Variants in HSPBAP1 observed in about 807,000 individuals in gnomAD.
The protein encoded by HSPBAP1 is HSPB1 associated protein 1.
Under a neutral mutation model 45.2 loss-of-function variants are expected in HSPBAP1, and 27 were observed. The ratio of observed to expected loss-of-function variants is 0.60; its 90% CI spans 0.44 to 0.82. The LOEUF is 0.82. HSPBAP1 is among the 40% of genes least tolerant of loss of function. The probability of loss-of-function intolerance (pLI) is 0.00; values close to 1 mark genes in which losing one functional copy is unlikely to be tolerated. For synonymous variants in HSPBAP1, 204 were observed against 202.7 expected (o/e 1.01, Z -0.06); for missense variants, 510 against 590.9 (o/e 0.86, Z 1.42).
At chr3:122,743,623 A>C (rs951698253) in intron 6 of HSPBAP1, among the ~76,000 whole-genome samples, 2 of 152,138 alleles carry the variant, frequency 1.3e-5, no homozygotes, top group African/African-American at 4.8e-5. Flanking sequence ...TCTTGGGTAT[A>C]CACCTAGGAA....
chr3:122,786,493 A>G (rs1333595521), intron 1 of HSPBAP1: 1 of 152,232 alleles, frequency 6.6e-6, no homozygotes, highest in Non-Finnish European at 1.5e-5. Flanking sequence ...GTAGCCTTCT[A>G]TAAATATGGA....
rs368791562 is a variant in HSPBAP1 at position 122,755,281 on chromosome 3, C to T, written c.720G>A (p.Ala240=). Residue 240 remains alanine (A), a synonymous_variant, in exon 5 of 8, where the codon GCG becomes GCA. Transcript: ENST00000306103. ...TTACCTGTCCTGGGCTCAGTGTAAC[C>T]GCATGTCTTTGAGCTTTCCGGAACT... ...FPQFRKAQRH[A]VTLSPGQVLF... 15 of 1,588,494 alleles carry T rather than the reference C, an allele frequency of 9.4e-6. No homozygotes were observed. The highest frequency in any genetic ancestry group is 4.6e-5 in the South Asian group (4 of 86,782).
At chr3:122,747,351 T>C (rs1296882630) in intron 6 of HSPBAP1, among the ~76,000 whole-genome samples, 1 of 145,368 alleles carries the variant, frequency 6.9e-6, no homozygotes, top group East Asian at 2.2e-4. Flanking sequence ...GGCCGCCCCG[T>C]CTGAGAAGTG....
intron 5 of HSPBAP1, 60 bp downstream of exon 5, chr3:122,755,200 T>G: frequency 1.5e-6 from 2 of 1,372,186 alleles, no homozygotes; most frequent in Non-Finnish European, 9.7e-7. Context: ...CATAAGGACT[T>G]GAGAGAGTTA....
chr3:122,741,475 T>C (rs111476917), intron 6 of HSPBAP1: 57 of 180,612 alleles, frequency 3.2e-4, no homozygotes, highest in African/African-American at 1.2e-3. Context: ...GACAAGCAAA[T>C]TATTTCAGAG....
chr3:122,777,749 G>A lies in HSPBAP1; in HGVS notation c.222C>T (p.Phe74=), dbSNP rs1240064521. ...TGCTCATGCTTTTCATCCCCATTCT[G>A]AATCGTATCTGCTTGCCATGAAGGA... ...SQVLHGKQIR[F]RMGMKSMSTV... is the part of the protein sequence containing the mutation. Residue 74 remains phenylalanine (F), a synonymous_variant, in exon 2 of 8, where the codon TTC becomes TTT. Transcript: ENST00000306103. 1.2e-6 allele frequency: 2 copies of A among 1,613,876 alleles called. No homozygotes were observed. The highest frequency in any genetic ancestry group is 1.7e-6 in the Non-Finnish European group (2 of 1,179,876).
chr3:122,784,689 T>C (rs1056570325), intron 1 of HSPBAP1, among the ~76,000 whole-genome samples: 5 of 152,072 alleles, frequency 3.3e-5, no homozygotes, highest in Admixed American at 6.5e-5. Flanking sequence ...AAGAGAATAA[T>C]ATCAAAGGCT....
intron 6 of HSPBAP1, among the ~76,000 whole-genome samples, chr3:122,747,869 G>A (rs1002458650): frequency 6.6e-4 from 101 of 152,210 alleles, no homozygotes; most frequent in Middle Eastern, 3.4e-3. Flanking sequence ...CCGCCACCCC[G>A]TCTGGGAGGT....
chr3:122,765,857 G>C (rs988682203), intron 3 of HSPBAP1, among the ~76,000 whole-genome samples: 1 of 152,080 alleles, frequency 6.6e-6, no homozygotes, highest in African/African-American at 2.4e-5. Flanking sequence ...ATTCATTATA[G>C]GTTCAGATTT....
chr3:122,758,572 C>G (rs746264453), intron 4 of HSPBAP1, among the ~76,000 whole-genome samples: 1 of 151,964 alleles, frequency 6.6e-6, no homozygotes, highest in Non-Finnish European at 1.5e-5. Flanking sequence ...AAGGGTGTTC[C>G]CATTTTTAAA....
At chr3:122,755,135 G>A in intron 5 of HSPBAP1, 125 bp downstream of exon 5, 3 of 1,202,120 alleles carry the variant, frequency 2.5e-6, no homozygotes, top group Non-Finnish European at 3.2e-6. Context: ...CAACAGCAGA[G>A]CAGAGGGAAG....
intron 6 of HSPBAP1, among the ~76,000 whole-genome samples, chr3:122,745,731 C>A (rs1374288173): frequency 6.6e-6 from 1 of 152,046 alleles, no homozygotes; most frequent in Non-Finnish European, 1.5e-5. Flanking sequence ...TTTGGATATG[C>A]CAAAGACAAG....
intron 1 of HSPBAP1, 108 bp downstream of exon 1, chr3:122,793,509 C>T (rs1244704793): frequency 2.3e-6 from 2 of 869,926 alleles, no homozygotes; most frequent in Non-Finnish European, 3.8e-6. Context: ...TAATGCAAGG[C>T]CAGAGAGACC....
chr3:122,772,923 G>T (rs35864557), intron 2 of HSPBAP1, among the ~76,000 whole-genome samples: 83,961 of 151,806 alleles, frequency 0.55, 24,107 homozygotes, highest in Non-Finnish European at 0.65. Flanking sequence ...CAGTGGCGTG[G>T]TCAGAACTTT....
chr3:122,758,896 C>CAAAAAAA, intron 4 of HSPBAP1: 2 of 200,262 alleles, frequency 1.0e-5, no homozygotes, highest in South Asian at 3.8e-5. Context: ...TCTAATTTAC[C>CAAAAAAA]AAAAAAAAAA....
intron 6 of HSPBAP1, among the ~76,000 whole-genome samples, chr3:122,750,533 AT>A (rs1934096136): frequency 6.6e-6 from 1 of 151,698 alleles, no homozygotes; most frequent in African/African-American, 2.4e-5. Flanking sequence ...CTATCTATCT[AT>A]CTATCTATCT....
chr3:122,778,336 A>C (rs1300934289), intron 1 of HSPBAP1, among the ~76,000 whole-genome samples: 1 of 151,536 alleles, frequency 6.6e-6, no homozygotes, highest in African/African-American at 2.4e-5. Flanking sequence ...ACACACATTA[A>C]ATACAATTTG....
intron 1 of HSPBAP1, among the ~76,000 whole-genome samples, chr3:122,780,576 C>T (rs1457395593): frequency 7.0e-6 from 1 of 143,600 alleles, no homozygotes; most frequent in Non-Finnish European, 1.5e-5. Flanking sequence ...AACTCACTCC[C>T]GGACGGGGCG....
intron 5 of HSPBAP1, chr3:122,753,739 T>C (rs2107506882): frequency 1.0e-6 from 1 of 985,094 alleles, no homozygotes; most frequent in Middle Eastern, 5.2e-4. Flanking sequence ...CTGGAAACTA[T>C]AAAAGGCCAC....
Sources: allele counts gnomAD v4.1 joint callset (sites outside exome capture counted in the v4.1 genomes callset), GRCh38; gene constraint gnomAD v4.1.1; transcripts MANE v1.5; gene names NCBI Gene and HGNC (gene_info 2026-07-23, HGNC 2026-07-21).